Variants in TMCC1 observed in about 807,000 individuals in gnomAD.
TMCC1 encodes the protein transmembrane and coiled-coil domain family 1, also known as transmembrane and coiled-coil domains protein 1.
TMCC1 carries 15 observed loss-of-function variants against 52.4 expected under a neutral mutation model. The ratio of observed to expected loss-of-function variants is 0.29; its 90% confidence interval spans 0.19 to 0.44. The LOEUF is 0.44. TMCC1 is among the 20% of genes least tolerant of loss of function. The pLI is 1.00. For synonymous variants in TMCC1, 279 were observed against 301.9 expected, an observed-to-expected ratio of 0.92 and a Z score of 0.79; for missense variants, 503 against 806.0, an observed-to-expected ratio of 0.62 and a Z score of 4.55.
At chr3:129,773,482 GATTTGA>G (rs1350781093) in intron 4 of TMCC1, among the ~76,000 whole-genome samples, 1 of 152,110 alleles carries the variant, frequency 6.6e-6, no homozygotes, top group Non-Finnish European at 1.5e-5. Context: ...TTGTTTTGTA[GATTTGA>G]ATTTGAAGCC....
intron 4 of TMCC1, among the ~76,000 whole-genome samples, chr3:129,707,985 G>T (rs1004186905): frequency 6.8e-6 from 1 of 147,988 alleles, no homozygotes; most frequent in Non-Finnish European, 1.5e-5. Flanking sequence ...GGATATTATA[G>T]AATTTGTAAA....
intron 4 of TMCC1, among the ~76,000 whole-genome samples, chr3:129,705,605 C>CT (rs1277305226): frequency 0.015 from 2,018 of 138,822 alleles, 50 homozygotes; most frequent in Admixed American, 0.056. Flanking sequence ...ATTTGAAACA[C>CT]TTTTTTTTTT....
chr3:129,812,232 C>A (rs1023453869), intron 4 of TMCC1, among the ~76,000 whole-genome samples: 4 of 141,356 alleles, frequency 2.8e-5, no homozygotes, highest in African/African-American at 1.0e-4. Context: ...ATCCCAGCTT[C>A]TTGGGAAGCT....
At chr3:129,750,570 A>ATT (rs374554261) in intron 4 of TMCC1, among the ~76,000 whole-genome samples, 5 of 89,920 alleles carry the variant, frequency 5.6e-5, no homozygotes, top group African/African-American at 2.2e-4. Flanking sequence ...ATAGATCTAA[A>ATT]TTTTTTTTTT....
Position 129,828,193 on chromosome 3 carries a change from C to T in TMCC1, c.186G>A (p.Arg62=), listed in dbSNP as rs2058742388. Residue 62 remains arginine, a synonymous_variant, in exon 4 of 7, where the codon AGG becomes AGA. Coordinates refer to ENST00000393238, the MANE Select transcript of TMCC1 (RefSeq NM_001017395.5). The surrounding 1 kb of genome is among the most constrained non-coding windows in gnomAD (Gnocchi z 4.1). ...LKHLFQHQRR[R]SSVSPHDVQQ... ...GCACATCATGTGGAGACACTGATGACCTCCTGCGCTGGTGCTGGAAGAGAT... is the reference window on the plus strand; with the variant it reads ...GCACATCATGTGGAGACACTGATGATCTCCTGCGCTGGTGCTGGAAGAGAT... 6.2e-7 allele frequency: 1 copy of T among 1,614,026 alleles called. No homozygotes were observed. Among genetic ancestry groups the T allele is most frequent in the Non-Finnish European group, 8.5e-7 (1 of 1,180,044 alleles).
At chr3:129,758,990 ACTTC>A (rs1164610393) in intron 4 of TMCC1, among the ~76,000 whole-genome samples, 1 of 152,162 alleles carries the variant, frequency 6.6e-6, no homozygotes, top group Non-Finnish European at 1.5e-5. Context: ...ATGTGTCAAA[ACTTC>A]CTTCCTTTTT....
At chr3:129,843,486 G>C (rs2059517717) in intron 2 of TMCC1, among the ~76,000 whole-genome samples, 1 of 152,094 alleles carries the variant, frequency 6.6e-6, no homozygotes, top group Non-Finnish European at 1.5e-5. Flanking sequence ...CTTATAGCCA[G>C]GCTATCCAAG....
chr3:129,708,539 A>C (rs1313192632), intron 4 of TMCC1, among the ~76,000 whole-genome samples: 2 of 152,222 alleles, frequency 1.3e-5, no homozygotes, highest in Non-Finnish European at 2.9e-5. Flanking sequence ...ACATAATGTG[A>C]TGACCTCTGC....
chr3:129,735,419 G>A (rs867723327), intron 4 of TMCC1, among the ~76,000 whole-genome samples: 1 of 152,090 alleles, frequency 6.6e-6, no homozygotes, highest in African/African-American at 2.4e-5. Flanking sequence ...TGAGGCAGGA[G>A]GATTGCTTGA....
At chr3:129,792,092 C>T (rs534731005) in intron 4 of TMCC1, among the ~76,000 whole-genome samples, 17 of 151,828 alleles carry the variant, frequency 1.1e-4, no homozygotes, top group South Asian at 4.1e-4. Flanking sequence ...GATCTTAAGA[C>T]AACTCTACTC....
intron 2 of TMCC1, among the ~76,000 whole-genome samples, chr3:129,873,520 A>T (rs1435993635): frequency 4.6e-5 from 7 of 151,786 alleles, no homozygotes; most frequent in Non-Finnish European, 8.8e-5. Context: ...TGTCTCGAAA[A>T]ATTTTTTAAA....
intron 4 of TMCC1, among the ~76,000 whole-genome samples, chr3:129,785,939 T>C (rs2055993659): frequency 6.7e-6 from 1 of 149,770 alleles, no homozygotes; most frequent in South Asian, 2.2e-4. Flanking sequence ...CCCCCTTTTT[T>C]TTTTTTTTTT....
intron 2 of TMCC1, chr3:129,869,027 C>T (rs1338987958): frequency 6.6e-6 from 1 of 151,964 alleles, no homozygotes; most frequent in African/African-American, 2.4e-5. Flanking sequence ...TTTTGTTATT[C>T]ATAATGTATT....
At chr3:129,660,319 G>GC (rs1039431952) in intron 5 of TMCC1, among the ~76,000 whole-genome samples, 8 of 151,868 alleles carry the variant, frequency 5.3e-5, no homozygotes, top group Non-Finnish European at 1.0e-4. Flanking sequence ...GGTTAATTTT[G>GC]TTTTTGTATT....
intron 2 of TMCC1, among the ~76,000 whole-genome samples, chr3:129,843,911 C>CAA (rs11391229): frequency 0.066 from 8,906 of 135,448 alleles, 366 homozygotes; most frequent in African/African-American, 0.084. Context: ...CAGACACTAC[C>CAA]AAAAAAAAAA....
intron 4 of TMCC1, among the ~76,000 whole-genome samples, chr3:129,788,053 A>G (rs2056166469): frequency 6.6e-6 from 1 of 152,222 alleles, no homozygotes; most frequent in African/African-American, 2.4e-5. Flanking sequence ...TCACAAAGGC[A>G]GTCACTGTTA....
chr3:129,680,493 T>C (rs903778068), intron 4 of TMCC1, among the ~76,000 whole-genome samples: 2 of 152,206 alleles, frequency 1.3e-5, no homozygotes, highest in East Asian at 1.9e-4. Context: ...GAGTCAGGAT[T>C]TGAACTCAGA....
chr3:129,723,747 T>C (rs1429810284), intron 4 of TMCC1, among the ~76,000 whole-genome samples: 1 of 152,124 alleles, frequency 6.6e-6, no homozygotes, highest in Non-Finnish European at 1.5e-5. Context: ...TTCTCCATTA[T>C]TACAACCTTA....
intron 4 of TMCC1, among the ~76,000 whole-genome samples, chr3:129,768,077 T>C (rs1419144197): frequency 6.6e-6 from 1 of 152,104 alleles, no homozygotes; most frequent in East Asian, 1.9e-4. Context: ...TAGTCTCAGT[T>C]ACTTGCAAGG....
Sources: allele counts gnomAD v4.1 joint callset (sites outside exome capture counted in the v4.1 genomes callset), GRCh38; gene constraint gnomAD v4.1.1; non-coding constraint Gnocchi (gnomAD v3.1); transcripts MANE v1.5; gene names NCBI Gene and HGNC (gene_info 2026-07-23, HGNC 2026-07-21).